The following GPR176 variants were observed in gnomAD, a reference collection of about 807,000 sequenced individuals.
The protein encoded by GPR176 is G-protein coupled receptor 176.
In GPR176, 26 loss-of-function variants were observed where a neutral mutation model predicts 35.4. That is an observed-to-expected ratio of 0.74 (90% CI 0.54 to 1.02). The LOEUF is 1.02. Among genes scored for constraint, GPR176 ranks in the 50% least tolerant of loss-of-function variants. The probability of loss-of-function intolerance (pLI) is 0.00; values close to 1 mark genes in which losing one functional copy is unlikely to be tolerated. For synonymous variants in GPR176, 278 were observed against 271.3 expected (o/e 1.02, Z -0.24); for missense variants, 597 against 665.3 (o/e 0.90, Z 1.13).
Position 39,800,913 on chromosome 15 carries a change from A to G in GPR176, c.*219T>C. 1 of 510,070 alleles carries G rather than the reference A, an allele frequency of 2.0e-6. No individual in the cohort carries two copies. 31.6% of individuals were successfully genotyped at this position (510,070 alleles called of 1,614,324 possible). A position where few individuals can be genotyped will look rare whatever the true frequency, so the allele number is the denominator to read the frequency against. On this transcript the variant is annotated 3_prime_UTR_variant, in exon 3 of 3. Transcript: ENST00000561100. ...ACAGAGAATAATGTGGACTTCACTAAGGACATGGATCACTGAGATGGATAC... is the reference window on the plus strand; with the variant it reads ...ACAGAGAATAATGTGGACTTCACTAGGGACATGGATCACTGAGATGGATAC...
intron 1 of GPR176, chr15:39,807,559 A>G: frequency 6.6e-7 from 1 of 1,519,668 alleles, no homozygotes; most frequent in Non-Finnish European, 8.8e-7. Flanking sequence ...ACAATTTGCT[A>G]GTTATTACTT....
rs2140849637 is a variant in GPR176 at position 39,882,045 on chromosome 15, A to T, written c.172+37810T>A. ...GCAATGTCCCTATTAAACTTCCTGA[A>T]TTGTTCCAAAACAAGTACAAAATAA... On this transcript the variant is annotated intron_variant, in intron 1 of 2. Transcript: ENST00000561100. Among the ~76,000 whole-genome samples the T allele has an allele frequency of 2.0e-5, 3 of 152,340 alleles. 1 individual carries two copies. The highest frequency in any genetic ancestry group is 3.4e-3 in the Middle Eastern group (1 of 294).
At position 39,865,069 on chromosome 15, in the gene GPR176, T is replaced by C. The variant is rs146132015; in HGVS notation, c.172+54786A>G. Among the ~76,000 whole-genome samples the C allele has an allele frequency of 3.2e-3, 481 of 152,052 alleles. 2 individuals are homozygous for C. The highest frequency in any genetic ancestry group is 0.017 in the Middle Eastern group (5 of 294). ...ATAATAACAAATGTTGGCAAGGACA[T>C]AGAGAAAAGGAAACTCTTATACACT... On this transcript the variant is annotated intron_variant, in intron 1 of 2. Coordinates refer to ENST00000561100, the MANE Select transcript of GPR176 (RefSeq NM_007223.3).
At chr15:39,883,991 T>C (rs1195536631) in intron 1 of GPR176, among the ~76,000 whole-genome samples, 1 of 152,226 alleles carries the variant, frequency 6.6e-6, no homozygotes, top group Non-Finnish European at 1.5e-5. Flanking sequence ...AACAGATTTA[T>C]GGACGGATGT....
chr15:39,880,848 T>G (rs1271604404), intron 1 of GPR176, among the ~76,000 whole-genome samples: 1 of 152,220 alleles, frequency 6.6e-6, no homozygotes. Context: ...CCTCATTATA[T>G]CTCAGCTAGA....
At chr15:39,917,175 T>A (rs1387284459) in intron 1 of GPR176, among the ~76,000 whole-genome samples, 1 of 151,444 alleles carries the variant, frequency 6.6e-6, no homozygotes, top group Non-Finnish European at 1.5e-5. Flanking sequence ...CCCAGCTACT[T>A]GGGAGGCTGA....
intron 1 of GPR176, among the ~76,000 whole-genome samples, chr15:39,873,339 G>A (rs1893284917): frequency 6.6e-6 from 1 of 152,120 alleles, no homozygotes; most frequent in Admixed American, 6.5e-5. Context: ...CAGGTAATAA[G>A]GTCTGGACTA....
At chr15:39,856,158 T>A (rs908458789) in intron 1 of GPR176, among the ~76,000 whole-genome samples, 3 of 152,106 alleles carry the variant, frequency 2.0e-5, no homozygotes, top group African/African-American at 7.2e-5. Flanking sequence ...ATCTAAAGGG[T>A]CTGGAATTAA....
chr15:39,831,088 A>C (rs1047594487), intron 1 of GPR176, among the ~76,000 whole-genome samples: 7 of 152,146 alleles, frequency 4.6e-5, no homozygotes, highest in African/African-American at 1.7e-4. Flanking sequence ...GGAACGGGGG[A>C]ACCTTTTGGA....
At chr15:39,802,991 T>C (rs1276137249) in intron 2 of GPR176, among the ~76,000 whole-genome samples, 1 of 152,204 alleles carries the variant, frequency 6.6e-6, no homozygotes. Flanking sequence ...TTCCTTCCAA[T>C]ATTTAACTTG....
intron 1 of GPR176, among the ~76,000 whole-genome samples, chr15:39,904,512 C>T (rs1381355034): frequency 3.3e-5 from 5 of 152,122 alleles, no homozygotes; most frequent in Non-Finnish European, 7.3e-5. Context: ...CACTGTGAGT[C>T]CTACTTACCC....
chr15:39,841,189 T>C (rs1340969968), intron 1 of GPR176, among the ~76,000 whole-genome samples: 11 of 152,166 alleles, frequency 7.2e-5, no homozygotes, highest in Non-Finnish European at 1.6e-4. Flanking sequence ...TGAATCCTGC[T>C]AGCTAGCTGT....
chr15:39,898,723 CA>C (rs1443799115), intron 1 of GPR176, among the ~76,000 whole-genome samples: 1 of 151,954 alleles, frequency 6.6e-6, no homozygotes, highest in African/African-American at 2.4e-5. Context: ...GGCAGGGTTT[CA>C]AAGAGTAAAG....
chr15:39,833,900 G>A (rs771790783), intron 1 of GPR176, among the ~76,000 whole-genome samples: 18 of 152,098 alleles, frequency 1.2e-4, no homozygotes, highest in African/African-American at 3.9e-4. Flanking sequence ...AGAGGAAGCC[G>A]ACATTGCTCC....
At chr15:39,840,799 C>T (rs2029912526) in intron 1 of GPR176, among the ~76,000 whole-genome samples, 1 of 151,854 alleles carries the variant, frequency 6.6e-6, no homozygotes, top group Admixed American at 6.6e-5. Flanking sequence ...AAAAAAATAG[C>T]CCATGAGGAA....
intron 1 of GPR176, among the ~76,000 whole-genome samples, chr15:39,852,270 A>C (rs1476245298): frequency 6.6e-6 from 1 of 152,102 alleles, no homozygotes; most frequent in East Asian, 1.9e-4. Context: ...ACCCATGACA[A>C]ACACTGAAAA....
chr15:39,856,754 A>G (rs1035131969), intron 1 of GPR176, among the ~76,000 whole-genome samples: 5 of 152,256 alleles, frequency 3.3e-5, no homozygotes, highest in African/African-American at 1.2e-4. Flanking sequence ...AAGTCTAATC[A>G]CACTCAATGG....
At chr15:39,807,519 T>TA (rs1167334416) in intron 1 of GPR176, 1 of 1,475,464 alleles carries the variant, frequency 6.8e-7, no homozygotes, top group South Asian at 1.3e-5. Flanking sequence ...AATAGTATTA[T>TA]AACGATGGCT....
At chr15:39,879,199 C>T (rs1399528195) in intron 1 of GPR176, among the ~76,000 whole-genome samples, 4 of 152,198 alleles carry the variant, frequency 2.6e-5, no homozygotes, top group Admixed American at 1.3e-4. Flanking sequence ...TTAAGTGATT[C>T]GCCCAGGTCC....
Sources: allele counts gnomAD v4.1 joint callset (sites outside exome capture counted in the v4.1 genomes callset), GRCh38; gene constraint gnomAD v4.1.1; transcripts MANE v1.5; gene names NCBI Gene and HGNC (gene_info 2026-07-23, HGNC 2026-07-21).